ALG12: variants seen among roughly 807,000 people sequenced by gnomAD.
The protein encoded by ALG12 is dol-P-Man:Man(7)GlcNAc(2)-PP-Dol alpha-1,6-mannosyltransferase.
Under a neutral mutation model 46.0 loss-of-function variants are expected in ALG12, and 36 were observed. The observed-to-expected ratio is 0.78, with a 90% CI of 0.60 to 1.03. The LOEUF is 1.03. ALG12 is among the 50% of genes least tolerant of loss of function. The pLI is 0.00. For missense variants in ALG12, 599 were observed against 633.5 expected (o/e 0.95, Z 0.58); for synonymous variants, 326 against 291.6 (o/e 1.12, Z -1.20).
the ALG12 span, among the ~76,000 whole-genome samples, chr22:49,862,832 A>T: frequency 6.6e-6 from 1 of 150,480 alleles, no homozygotes; most frequent in Non-Finnish European, 1.5e-5. Context: ...TTCCTGAGTA[A>T]CTGGGATTAC....
chr22:49,908,919 T>G (rs1601822545), intron 6 of ALG12, among the ~76,000 whole-genome samples: 1 of 137,168 alleles, frequency 7.3e-6, no homozygotes, highest in Admixed American at 8.0e-5. Flanking sequence ...ACCACTGTAC[T>G]CCAGCCTGGG....
chr22:49,878,939 T>G, the ALG12 span, among the ~76,000 whole-genome samples: 1 of 151,534 alleles, frequency 6.6e-6, no homozygotes. Flanking sequence ...GGTCAAGAGA[T>G]AGAGACCATC....
At chr22:49,882,807 T>G in the ALG12 span, among the ~76,000 whole-genome samples, 1 of 152,196 alleles carries the variant, frequency 6.6e-6, no homozygotes, top group East Asian at 1.9e-4. Context: ...GGAAGCGGTT[T>G]TCACCCACAG....
intron 4 of ALG12, 84 bp downstream of exon 4, chr22:49,910,350 G>A (rs2060569242): frequency 1.3e-6 from 2 of 1,520,370 alleles, no homozygotes; most frequent in East Asian, 4.9e-5. Flanking sequence ...TACGGGGGAG[G>A]CACTGCCATC....
the ALG12 span, chr22:49,886,119 G>A: frequency 4.4e-6 from 3 of 682,310 alleles, no homozygotes; most frequent in African/African-American, 1.8e-5. The surrounding 1 kb of genome is among the most constrained non-coding windows in gnomAD (Gnocchi z 7.7). Flanking sequence ...CGCTGAACGA[G>A]GGGGAGCACT....
At chr22:49,892,405 G>A in the ALG12 span, among the ~76,000 whole-genome samples, 9 of 152,150 alleles carry the variant, frequency 5.9e-5, no homozygotes, top group African/African-American at 2.4e-5. Context: ...CTGGGAGACC[G>A]GCAGCAACAC....
At position 49,901,124 on chromosome 22, in the gene ALG12, C is replaced by T. The variant is rs1238669364; in HGVS notation, c.*2714G>A. 6.6e-6 allele frequency: 1 copy of T among 152,266 alleles called. No individual in the cohort carries two copies. Among genetic ancestry groups the T allele is most frequent in the African/African-American group, 2.4e-5 (1 of 41,466 alleles). 9.4% of individuals were successfully genotyped at this position (152,266 alleles called of 1,614,324 possible). ...AGGATAATTAAAGACAGGAGTGACTCACAGACCACTGAAGTCGGGAGGCAA... is the reference window on the plus strand; with the variant it reads ...AGGATAATTAAAGACAGGAGTGACTTACAGACCACTGAAGTCGGGAGGCAA... On this transcript the variant is annotated 3_prime_UTR_variant, in exon 10 of 10. Transcript: ENST00000330817.
rs1394977790 is a variant in ALG12 at position 49,905,207 on chromosome 22, CCA to C, written c.993-703_993-702del. ...GATCCTACGGCAGAGTTAGCAGCTGCCACAGACAGTGTGGCCCACGAAGATGA... is the reference window on the plus strand; with the variant it reads ...GATCCTACGGCAGAGTTAGCAGCTGCCAGACAGTGTGGCCCACGAAGATGA... On this transcript the variant is annotated intron_variant, in intron 7 of 9. Coordinates refer to ENST00000330817, the MANE Select transcript of ALG12 (RefSeq NM_024105.4). The surrounding 1 kb of genome is among the most constrained non-coding windows in gnomAD (Gnocchi z 4.9). Among the ~76,000 whole-genome samples, 2 of 152,156 alleles carry C rather than the reference CCA, an allele frequency of 1.3e-5. No homozygotes were observed. Among genetic ancestry groups the C allele is most frequent in the Non-Finnish European group, 2.9e-5 (2 of 68,036 alleles).
downstream of ALG12, among the ~76,000 whole-genome samples, chr22:49,896,579 C>A (rs185803726): frequency 1.9e-3 from 295 of 152,344 alleles, 7 homozygotes; most frequent in African/African-American, 6.7e-3. Context: ...GTCTTAATAT[C>A]TTTTCTCTTT....
At chr22:49,881,660 T>G in the ALG12 span, among the ~76,000 whole-genome samples, 1 of 152,174 alleles carries the variant, frequency 6.6e-6, no homozygotes, top group Non-Finnish European at 1.5e-5. Context: ...AGCTTGGGAC[T>G]ACAGGCTCAC....
the ALG12 span, among the ~76,000 whole-genome samples, chr22:49,870,669 GTTAT>G: frequency 6.6e-6 from 1 of 151,826 alleles, no homozygotes; most frequent in Non-Finnish European, 1.5e-5. Context: ...TTTTAATGGG[GTTAT>G]TTTATTTCTT....
rs2060544262 is a variant in ALG12 at position 49,906,780 on chromosome 22, G to A, written c.992+941C>T. Among the ~76,000 whole-genome samples the A allele has an allele frequency of 6.6e-6, 1 of 152,318 alleles. No individual in the cohort carries two copies. The highest frequency in any genetic ancestry group is 2.4e-5 in the African/African-American group (1 of 41,564). On this transcript the variant is annotated intron_variant, in intron 7 of 9. Transcript: ENST00000330817. The surrounding 1 kb of genome is among the most constrained non-coding windows in gnomAD (Gnocchi z 4.4). ...CTCTGAACGGGCACAGAGCTGGCCA[G>A]CCTCAGCCCTGGGTTCTTCCGCAGC... is the stretch of plus-strand genomic sequence containing the variant.
At chr22:49,895,291 G>T (rs936918408), downstream of ALG12, among the ~76,000 whole-genome samples, 41 of 152,156 alleles carry the variant, frequency 2.7e-4, no homozygotes, top group Non-Finnish European at 1.5e-5. Context: ...GTCGTTTCTC[G>T]TTAGGGTCCT....
rs1200706854 is a variant in ALG12, at chr22:49,902,348, G to C, written c.*1490C>G. 7.8e-6 allele frequency: 1 copy of C among 127,904 alleles called. No homozygotes were observed. Among genetic ancestry groups the C allele is most frequent in the Admixed American group, 7.8e-5 (1 of 12,786 alleles). 7.9% of individuals were successfully genotyped at this position (127,904 alleles called of 1,614,324 possible). ...AATGTGCACGTGTGCACTGTGTGTGGTGTGTATGCATGGTGTGTGCACGTG... is the reference window on the plus strand; with the variant it reads ...AATGTGCACGTGTGCACTGTGTGTGCTGTGTATGCATGGTGTGTGCACGTG... On this transcript the variant is annotated 3_prime_UTR_variant, in exon 10 of 10. Coordinates refer to ENST00000330817, the MANE Select transcript of ALG12 (RefSeq NM_024105.4).
the ALG12 span, among the ~76,000 whole-genome samples, chr22:49,882,787 A>G: frequency 6.6e-6 from 1 of 152,200 alleles, no homozygotes; most frequent in East Asian, 1.9e-4. Flanking sequence ...GGGTGACAGG[A>G]GGATGGGCTG....
intron 1 of ALG12, among the ~76,000 whole-genome samples, chr22:49,917,453 T>C (rs2146621761): frequency 6.6e-6 from 1 of 152,258 alleles, no homozygotes; most frequent in Non-Finnish European, 1.5e-5. Flanking sequence ...GGCAGATCGC[T>C]TGAGGTCAGG....
Position 49,902,318 on chromosome 22 carries a change from A to G in ALG12, c.*1520T>C, listed in dbSNP as rs2060515194. On this transcript the variant is annotated 3_prime_UTR_variant, in exon 10 of 10. Coordinates refer to ENST00000330817, the MANE Select transcript of ALG12 (RefSeq NM_024105.4). ...GCACGTGTGCACTGTGTGTGGATGC[A>G]TGGTAATGTGCACGTGTGCACTGTG... 1 of 111,846 alleles carries G rather than the reference A, an allele frequency of 8.9e-6. No homozygotes were observed. The allele number at this position is 111,846 out of a possible 1,614,324, so 6.9% of individuals were successfully genotyped here. A position where few individuals can be genotyped will look rare whatever the true frequency, so the allele number is the denominator to read the frequency against.
intron 5 of ALG12, 41 bp downstream of exon 5, chr22:49,909,853 A>G: frequency 6.2e-7 from 1 of 1,613,238 alleles, no homozygotes; most frequent in Non-Finnish European, 8.5e-7. Context: ...AACAAGGCAA[A>G]ACAAAATCCA....
At chr22:49,880,977 A>G in the ALG12 span, among the ~76,000 whole-genome samples, 2 of 152,248 alleles carry the variant, frequency 1.3e-5, no homozygotes, top group South Asian at 4.1e-4. Flanking sequence ...TACTAAAACA[A>G]GCATATTTTA....
Sources: gnomAD v4.1 joint callset for allele counts (sites outside exome capture counted in the v4.1 genomes callset) on GRCh38, gnomAD v4.1.1 for gene constraint, Gnocchi (gnomAD v3.1) non-coding constraint, MANE v1.5 for transcripts, NCBI Gene and HGNC (gene_info 2026-07-23, HGNC 2026-07-21) for gene names.